LOC128462377: variants seen among roughly 807,000 people sequenced by gnomAD.
chr16:89,388,678 C>T, the LOC128462377 span, among the ~76,000 whole-genome samples: 4 of 152,296 alleles, frequency 2.6e-5, no homozygotes, highest in East Asian at 7.7e-4. Flanking sequence ...CGGGGACCCC[C>T]TTGGAGGTTT....
chr16:89,323,176 T>G, the LOC128462377 span: 1 of 545,032 alleles, frequency 1.8e-6, no homozygotes, highest in South Asian at 1.7e-5. Context: ...GAGTGGTGCC[T>G]TGTGCACACC....
the LOC128462377 span, among the ~76,000 whole-genome samples, chr16:89,411,415 T>C: frequency 6.6e-6 from 1 of 152,166 alleles, no homozygotes; most frequent in Non-Finnish European, 1.5e-5. Context: ...ATGGTCTACA[T>C]TTCTTCCTTT....
chr16:89,327,393 G>A, the LOC128462377 span, among the ~76,000 whole-genome samples: 1 of 152,134 alleles, frequency 6.6e-6, no homozygotes, highest in Non-Finnish European at 1.5e-5. Context: ...CAGATGGAAT[G>A]GCATACAGGG....
At chr16:89,372,667 A>T in the LOC128462377 span, among the ~76,000 whole-genome samples, 1 of 152,232 alleles carries the variant, frequency 6.6e-6, no homozygotes, top group African/African-American at 2.4e-5. Flanking sequence ...AACATGAACA[A>T]GTGCAAGGAG....
the LOC128462377 span, among the ~76,000 whole-genome samples, chr16:89,376,772 C>G: frequency 6.6e-6 from 1 of 152,104 alleles, no homozygotes; most frequent in Non-Finnish European, 1.5e-5. Flanking sequence ...AGGTGAAACT[C>G]CCCTATTCTG....
the LOC128462377 span, among the ~76,000 whole-genome samples, chr16:89,375,656 T>C: frequency 1.8e-3 from 268 of 151,854 alleles, 1 homozygote; most frequent in African/African-American, 5.7e-3. Flanking sequence ...GGTTTCACCA[T>C]GTTGGCCAGG....
the LOC128462377 span, among the ~76,000 whole-genome samples, chr16:89,385,811 C>G: frequency 6.6e-6 from 1 of 152,244 alleles, no homozygotes; most frequent in Non-Finnish European, 1.5e-5. Flanking sequence ...TCACCCCCGC[C>G]GCTGCGCAGC....
chr16:89,356,272 A>G, the LOC128462377 span, among the ~76,000 whole-genome samples: 1 of 151,874 alleles, frequency 6.6e-6, no homozygotes, highest in Non-Finnish European at 1.5e-5. Flanking sequence ...CAAAGGAGAC[A>G]TCTTTGTCAA....
At chr16:89,324,634 G>A in the LOC128462377 span, 2 of 399,318 alleles carry the variant, frequency 5.0e-6, no homozygotes, top group Non-Finnish European at 1.0e-5. Context: ...TGGACTGGCT[G>A]AGTCTTCCAG....
chr16:89,385,813 C>T, the LOC128462377 span, among the ~76,000 whole-genome samples: 2 of 152,266 alleles, frequency 1.3e-5, no homozygotes, highest in African/African-American at 4.8e-5. Context: ...ACCCCCGCCG[C>T]TGCGCAGCCA....
the LOC128462377 span, chr16:89,323,229 A>AC: frequency 8.7e-7 from 1 of 1,145,652 alleles, no homozygotes; most frequent in Admixed American, 2.3e-5. Context: ...GGAGGAAAAA[A>AC]GAAAAAAGGA....
At chr16:89,327,030 A>G in the LOC128462377 span, among the ~76,000 whole-genome samples, 4 of 151,894 alleles carry the variant, frequency 2.6e-5, no homozygotes, top group Non-Finnish European at 4.4e-5. Flanking sequence ...TGGGGAATGC[A>G]GAGGTGGGGA....
At chr16:89,364,619 C>A in the LOC128462377 span, among the ~76,000 whole-genome samples, 1 of 152,176 alleles carries the variant, frequency 6.6e-6, no homozygotes, top group Non-Finnish European at 1.5e-5. Context: ...CTGGCTTGGG[C>A]CACACATAAA....
chr16:89,397,634 C>T, the LOC128462377 span, among the ~76,000 whole-genome samples: 1 of 152,348 alleles, frequency 6.6e-6, no homozygotes, highest in Non-Finnish European at 1.5e-5. Flanking sequence ...TAAACTTTCC[C>T]TTTTCACTCA....
chr16:89,359,738 T>A, the LOC128462377 span, among the ~76,000 whole-genome samples: 1 of 152,030 alleles, frequency 6.6e-6, no homozygotes, highest in Non-Finnish European at 1.5e-5. Flanking sequence ...CATATCTGAG[T>A]CTCAACAGCC....
the LOC128462377 span, among the ~76,000 whole-genome samples, chr16:89,357,165 C>A: frequency 1.9e-4 from 29 of 152,282 alleles, 1 homozygote; most frequent in East Asian, 5.6e-3. Context: ...GAGGTAGGCT[C>A]GGCCAGAGCT....
chr16:89,410,473 C>T, the LOC128462377 span, among the ~76,000 whole-genome samples: 1 of 152,106 alleles, frequency 6.6e-6, no homozygotes, highest in Non-Finnish European at 1.5e-5. Flanking sequence ...CTAAGACACC[C>T]TGCAGAGCTG....
chr16:89,359,156 AG>A, the LOC128462377 span, among the ~76,000 whole-genome samples: 1 of 152,310 alleles, frequency 6.6e-6, no homozygotes, highest in Non-Finnish European at 1.5e-5. Flanking sequence ...TGATTCTGGA[AG>A]AAAAAAAAAA....
chr16:89,317,295 A>G, the LOC128462377 span, among the ~76,000 whole-genome samples: 1 of 152,172 alleles, frequency 6.6e-6, no homozygotes, highest in South Asian at 2.1e-4. Context: ...CAGGAAGGAG[A>G]ACAGAGAAGG....
Sources: gnomAD v4.1 joint callset for allele counts (sites outside exome capture counted in the v4.1 genomes callset) on GRCh38, gnomAD v4.1.1 for gene constraint, MANE v1.5 for transcripts.